The following EFCAB3 variants were observed in gnomAD, a reference collection of about 807,000 sequenced individuals.
EFCAB3 encodes EF-hand calcium-binding domain-containing protein 3.
EFCAB3 carries 36 observed loss-of-function variants against 42.2 expected under a neutral mutation model. The ratio of observed to expected loss-of-function variants is 0.85; its 90% CI spans 0.65 to 1.13. EFCAB3 has a LOEUF of 1.13. EFCAB3 is among the 50% of genes most tolerant of loss of function. EFCAB3 has a pLI of 0.00. For synonymous variants in EFCAB3, 170 were observed against 172.8 expected, an observed-to-expected ratio of 0.98 and a Z score of 0.13; for missense variants, 418 against 505.1, an observed-to-expected ratio of 0.83 and a Z score of 1.65.
rs1167292251 is a variant in EFCAB3, at chr17:62,412,280, G to T, written c.868-1452G>T. On this transcript the variant is annotated intron_variant, in intron 8 of 9. Transcript: ENST00000305286. ...AATCCCAGCTACTAGGGAGGCTGAGGCAGGAGAATCACTTGAACCCGGGAG... is the reference window on the plus strand; with the variant it reads ...AATCCCAGCTACTAGGGAGGCTGAGTCAGGAGAATCACTTGAACCCGGGAG... Among the ~76,000 whole-genome samples, 3 of 148,430 alleles carry T rather than the reference G, an allele frequency of 2.0e-5. No homozygotes were observed. The East Asian group carries it at 6.0e-4, about 30-fold the overall frequency.
intron 6 of EFCAB3, among the ~76,000 whole-genome samples, chr17:62,405,911 CTA>C (rs1394010475): frequency 6.6e-6 from 1 of 152,050 alleles, no homozygotes; most frequent in Non-Finnish European, 1.5e-5. Context: ...TTATACTTTT[CTA>C]TGTTTTCCAA....
At chr17:62,385,974 G>A (rs984631042) in intron 2 of EFCAB3, among the ~76,000 whole-genome samples, 3 of 150,840 alleles carry the variant, frequency 2.0e-5, no homozygotes, top group African/African-American at 7.3e-5. Flanking sequence ...TGATCCACCC[G>A]CCTTGGCCTC....
intron 2 of EFCAB3, 72 bp downstream of exon 2, chr17:62,383,125 A>T: frequency 7.1e-7 from 1 of 1,410,110 alleles, no homozygotes; most frequent in Non-Finnish European, 9.7e-7. Context: ...CTCTTTTAGA[A>T]TTTTGTCTAG....
intron 6 of EFCAB3, among the ~76,000 whole-genome samples, chr17:62,406,188 C>T (rs765908881): frequency 1.3e-5 from 2 of 151,878 alleles, no homozygotes; most frequent in East Asian, 1.9e-4. Flanking sequence ...GGCAACATAA[C>T]AAGACCTCAT....
At chr17:62,382,030 G>T in intron 1 of EFCAB3, 1 of 223,938 alleles carries the variant, frequency 4.5e-6, no homozygotes, top group South Asian at 7.1e-5. Flanking sequence ...CTGCTCCCCT[G>T]CAAATAAAGC....
At chr17:62,395,266 T>C in intron 6 of EFCAB3, 78 bp downstream of exon 6, 1 of 1,547,500 alleles carries the variant, frequency 6.5e-7, no homozygotes, top group South Asian at 1.2e-5. Flanking sequence ...CAGCTCCCAC[T>C]AACATCCAAC....
chr17:62,381,841 G>C (rs1184435160), intron 1 of EFCAB3: 1 of 436,470 alleles, frequency 2.3e-6, no homozygotes, highest in African/African-American at 2.0e-5. Context: ...ATTGCCCAGG[G>C]TATTGGCAAG....
chr17:62,377,222 C>T (rs1045603871), upstream of EFCAB3, among the ~76,000 whole-genome samples: 5 of 152,164 alleles, frequency 3.3e-5, no homozygotes, highest in Admixed American at 3.3e-4. Flanking sequence ...CCTTATATAG[C>T]CTCTATAACC....
intron 6 of EFCAB3, chr17:62,398,138 C>T (rs2070368038): frequency 7.4e-6 from 2 of 271,526 alleles, no homozygotes; most frequent in Non-Finnish European, 1.5e-5. Flanking sequence ...AGACCAAGAT[C>T]ATAAACTTTA....
Position 62,406,542 on chromosome 17 carries a change from G to A in EFCAB3, c.551G>A (p.Gly184Asp). 1.2e-6 allele frequency: 2 copies of A among 1,613,894 alleles called. No individual in the cohort carries two copies. Among genetic ancestry groups the A allele is most frequent in the East Asian group, 2.2e-5 (1 of 44,850 alleles). ...PGMLWSPYTM[G>D]YGKRTLKPDI... ...ATGTTGTGGAGTCCCTACACTATGG[G>A]CTATGGAAAAAGGACACTTAAGCCA... The change falls in exon 7 of 10, where the codon GGC becomes GAC. Residue 184 changes from glycine to aspartate, a missense_variant. Coordinates refer to ENST00000305286, the MANE Select transcript of EFCAB3 (RefSeq NM_173503.4).
Position 62,391,729 on chromosome 17 carries a change from T to C in EFCAB3, c.152-93T>C, listed in dbSNP as rs879202920. 27 of 1,265,690 alleles carry C rather than the reference T, an allele frequency of 2.1e-5. No homozygotes were observed. The East Asian group carries it at 4.3e-4, about 20-fold the overall frequency. 78.4% of individuals were successfully genotyped at this position (1,265,690 alleles called of 1,614,324 possible). ...TCGCAATCCTTTTTTTAGAACATGA[T>C]CTCCAGTCAACTATATTGTCTGTCC... On this transcript the variant is annotated intron_variant, in intron 3 of 9. Transcript: ENST00000305286.
intron 2 of EFCAB3, chr17:62,373,909 T>C (rs1233530916): frequency 4.0e-6 from 4 of 1,004,788 alleles, no homozygotes; most frequent in African/African-American, 1.6e-5. Context: ...TATAATCTGA[T>C]GCTATATGTG....
intron 2 of EFCAB3, among the ~76,000 whole-genome samples, chr17:62,374,068 A>G (rs900247796): frequency 3.3e-5 from 5 of 152,128 alleles, no homozygotes; most frequent in African/African-American, 9.7e-5. Context: ...TATCACCACA[A>G]ATTTTTTCCT....
chr17:62,391,729 T>A, intron 3 of EFCAB3, 93 bp from the exon 4 acceptor site: 1 of 1,265,808 alleles, frequency 7.9e-7, no homozygotes, highest in Middle Eastern at 2.0e-4. Flanking sequence ...TAGAACATGA[T>A]CTCCAGTCAA....
At chr17:62,382,287 C>T (rs1032663903) in intron 1 of EFCAB3, among the ~76,000 whole-genome samples, 1 of 152,150 alleles carries the variant, frequency 6.6e-6, no homozygotes, top group African/African-American at 2.4e-5. Context: ...CCAGAATGCT[C>T]ATTATCTGTG....
At chr17:62,406,760 A>G (rs1175463323) in intron 7 of EFCAB3, 87 bp downstream of exon 7, 23 of 1,429,028 alleles carry the variant, frequency 1.6e-5, no homozygotes, top group Non-Finnish European at 2.0e-5. Flanking sequence ...CCCAAATGGC[A>G]TAAGAACAGG....
At chr17:62,388,863 T>C (rs1322350740) in intron 3 of EFCAB3, among the ~76,000 whole-genome samples, 1 of 152,190 alleles carries the variant, frequency 6.6e-6, no homozygotes, top group Admixed American at 6.5e-5. Flanking sequence ...TAATAACAGC[T>C]TATGGTTTTA....
At chr17:62,402,289 C>T (rs1374272439) in intron 6 of EFCAB3, among the ~76,000 whole-genome samples, 1 of 152,126 alleles carries the variant, frequency 6.6e-6, no homozygotes, top group Non-Finnish European at 1.5e-5. Context: ...ATTTCCTTCT[C>T]CTGCCTGATT....
chr17:62,402,579 T>C (rs1180966623), intron 6 of EFCAB3, among the ~76,000 whole-genome samples: 1 of 152,244 alleles, frequency 6.6e-6, no homozygotes, highest in African/African-American at 2.4e-5. Context: ...TCTGTTTATA[T>C]GATGGGTTAT....
Sources: allele counts gnomAD v4.1 joint callset (sites outside exome capture counted in the v4.1 genomes callset), GRCh38; gene constraint gnomAD v4.1.1; transcripts MANE v1.5; gene names NCBI Gene and HGNC (gene_info 2026-07-23, HGNC 2026-07-21).